HS3ST5: variants seen among roughly 807,000 people sequenced by gnomAD.
The protein encoded by HS3ST5 is heparan sulfate glucosamine 3-O-sulfotransferase 5.
Under a neutral mutation model 25.4 loss-of-function variants are expected in HS3ST5, and 10 were observed. The ratio of observed to expected loss-of-function variants is 0.39; its 90% CI spans 0.24 to 0.67. HS3ST5 has a LOEUF of 0.67. Among genes scored for constraint, HS3ST5 ranks in the 30% least tolerant of loss-of-function variants. HS3ST5 has a pLI of 0.44. For missense variants in HS3ST5, 324 were observed against 420.7 expected (o/e 0.77, Z 2.01); for synonymous variants, 170 against 162.4 (o/e 1.05, Z -0.36).
intron 3 of HS3ST5, chr6:114,167,695 A>G (rs948509246): frequency 1.1e-4 from 17 of 152,306 alleles, no homozygotes; most frequent in African/African-American, 3.9e-4. Context: ...ATACAAAAAC[A>G]CAACAGATCC....
At chr6:114,178,889 G>A (rs1779841801) in intron 2 of HS3ST5, 1 of 151,984 alleles carries the variant, frequency 6.6e-6, no homozygotes, top group African/African-American at 2.4e-5. Context: ...AAAAAAGAAG[G>A]GTGACAAGTA....
chr6:114,250,359 A>G (rs913005056), intron 1 of HS3ST5, among the ~76,000 whole-genome samples: 1 of 152,220 alleles, frequency 6.6e-6, no homozygotes, highest in African/African-American at 2.4e-5. Context: ...AGACGGGCAG[A>G]TCACAAGGTC....
intron 3 of HS3ST5, among the ~76,000 whole-genome samples, chr6:114,129,545 G>A (rs567657202): frequency 9.3e-4 from 142 of 152,234 alleles, no homozygotes; most frequent in Non-Finnish European, 1.4e-3. Flanking sequence ...GTGAGCCACC[G>A]CGCCCAGCCA....
At chr6:114,305,227 C>T (rs1349694758) in intron 1 of HS3ST5, among the ~76,000 whole-genome samples, 1 of 152,098 alleles carries the variant, frequency 6.6e-6, no homozygotes, top group Non-Finnish European at 1.5e-5. Context: ...TCACCACCCA[C>T]CTCATCAGGA....
intron 1 of HS3ST5, among the ~76,000 whole-genome samples, chr6:114,243,784 T>C (rs1772252586): frequency 1.3e-5 from 2 of 152,224 alleles, no homozygotes; most frequent in African/African-American, 4.8e-5. Flanking sequence ...ATGTGACTTG[T>C]GTTGTTCAAC....
chr6:114,115,553 C>T lies in HS3ST5; in HGVS notation c.-32-52676G>A, dbSNP rs531832312. Among the ~76,000 whole-genome samples the T allele has an allele frequency of 2.0e-5, 3 of 151,608 alleles. No homozygotes were observed. The South Asian group carries it at 6.2e-4, about 31-fold the overall frequency. On this transcript the variant is annotated intron_variant, in intron 3 of 4. Coordinates refer to ENST00000312719, the MANE Select transcript of HS3ST5 (RefSeq NM_153612.4). Reference sequence around the variant, plus strand: ...AAGAAGCATAGATGCCAGATTGAATCCCACTGGCCCGAAAATCTTGCTCTT... The same window carrying T: ...AAGAAGCATAGATGCCAGATTGAATTCCACTGGCCCGAAAATCTTGCTCTT...
At chr6:114,197,128 CTTT>C (rs201077147) in intron 2 of HS3ST5, among the ~76,000 whole-genome samples, 3 of 142,448 alleles carry the variant, frequency 2.1e-5, no homozygotes, top group Admixed American at 7.0e-5. Flanking sequence ...TTCTTTCTTT[CTTT>C]TTTTTTTTTT....
chr6:114,111,083 T>G (rs1174383234), intron 3 of HS3ST5, among the ~76,000 whole-genome samples: 2 of 152,202 alleles, frequency 1.3e-5, no homozygotes, highest in Non-Finnish European at 2.9e-5. Flanking sequence ...TGACCTCTTA[T>G]TTTTAGTAAA....
chr6:114,211,792 T>C (rs1197333938), intron 2 of HS3ST5, among the ~76,000 whole-genome samples: 1 of 152,168 alleles, frequency 6.6e-6, no homozygotes, highest in African/African-American at 2.4e-5. Context: ...AAGAATCAAA[T>C]AGAATTCAAA....
intron 3 of HS3ST5, among the ~76,000 whole-genome samples, chr6:114,067,360 T>TTC (rs1480852186): frequency 1.1e-4 from 17 of 152,194 alleles, no homozygotes; most frequent in Admixed American, 3.9e-4. Flanking sequence ...GTTAAACTGT[T>TTC]TAAGTTTAGC....
At chr6:114,144,371 G>C (rs1361132175) in intron 3 of HS3ST5, among the ~76,000 whole-genome samples, 1 of 150,664 alleles carries the variant, frequency 6.6e-6, no homozygotes, top group Non-Finnish European at 1.5e-5. Context: ...TTCAAAGATT[G>C]AAATTTCACA....
chr6:114,241,428 A>C (rs1028060118), intron 1 of HS3ST5, among the ~76,000 whole-genome samples: 1 of 151,968 alleles, frequency 6.6e-6, no homozygotes, highest in African/African-American at 2.4e-5. Flanking sequence ...TCTCCCTTTT[A>C]TCTACATTCA....
chr6:114,130,289 A>G (rs1178525730), intron 3 of HS3ST5, among the ~76,000 whole-genome samples: 1 of 152,206 alleles, frequency 6.6e-6, no homozygotes, highest in South Asian at 2.1e-4. Flanking sequence ...AAAACATTCT[A>G]TTGAGTTGCA....
intron 3 of HS3ST5, among the ~76,000 whole-genome samples, chr6:114,162,183 A>T (rs571833935): frequency 1.6e-4 from 25 of 152,174 alleles, no homozygotes; most frequent in Non-Finnish European, 3.5e-4. Context: ...TTGCTAAAAG[A>T]AGTGCTACGT....
intron 1 of HS3ST5, among the ~76,000 whole-genome samples, chr6:114,289,517 A>T (rs1169147885): frequency 6.6e-6 from 1 of 152,102 alleles, no homozygotes; most frequent in East Asian, 1.9e-4. Flanking sequence ...AATTCACCAA[A>T]TATTCTCAAC....
At chr6:114,274,979 C>T (rs563650776) in intron 1 of HS3ST5, among the ~76,000 whole-genome samples, 1 of 152,004 alleles carries the variant, frequency 6.6e-6, no homozygotes, top group Admixed American at 6.6e-5. Context: ...TTCCCTTCTA[C>T]TAGTTCCCTG....
intron 2 of HS3ST5, among the ~76,000 whole-genome samples, chr6:114,190,947 A>G (rs749227833): frequency 4.6e-5 from 7 of 152,188 alleles, no homozygotes; most frequent in Non-Finnish European, 7.4e-5. Context: ...AGTTATTTGA[A>G]TAGATTATTG....
chr6:114,238,899 A>T (rs893408052), intron 1 of HS3ST5: 1 of 152,202 alleles, frequency 6.6e-6, no homozygotes, highest in African/African-American at 2.4e-5. Context: ...TGAATAATAT[A>T]TAAAATCTAG....
intron 1 of HS3ST5, among the ~76,000 whole-genome samples, chr6:114,257,253 G>A (rs1013220550): frequency 6.6e-6 from 1 of 152,158 alleles, no homozygotes; most frequent in Non-Finnish European, 1.5e-5. Flanking sequence ...GGGATGCAGG[G>A]CATAGCCCAG....
Sources: allele counts gnomAD v4.1 joint callset (sites outside exome capture counted in the v4.1 genomes callset), GRCh38; gene constraint gnomAD v4.1.1; transcripts MANE v1.5; gene names NCBI Gene and HGNC (gene_info 2026-07-23, HGNC 2026-07-21).